The following NR3C2 variants were observed in gnomAD, a reference collection of about 807,000 sequenced individuals.
NR3C2 encodes the protein nuclear receptor subfamily 3 group C member 2, also known as mineralocorticoid receptor.
In NR3C2, 15 loss-of-function variants were observed where a neutral mutation model predicts 86.4. The observed-to-expected ratio is 0.17, with a 90% confidence interval of 0.12 to 0.27. The LOEUF (loss-of-function observed/expected upper bound fraction) is 0.27. NR3C2 is among the 10% of genes least tolerant of loss of function. NR3C2 has a pLI of 1.00. For missense variants in NR3C2, 960 were observed against 1,195.6 expected (o/e 0.80, Z 2.91); for synonymous variants, 458 against 450.5 (o/e 1.02, Z -0.21).
chr4:148,423,568 A>G (rs1352364873), intron 2 of NR3C2, among the ~76,000 whole-genome samples: 2 of 152,224 alleles, frequency 1.3e-5, no homozygotes, highest in Non-Finnish European at 2.9e-5. Context: ...GCGGGGGGAA[A>G]AAAGCTGTAT....
chr4:148,266,403 G>C (rs1046699721), intron 2 of NR3C2, among the ~76,000 whole-genome samples: 2 of 152,186 alleles, frequency 1.3e-5, no homozygotes, highest in African/African-American at 4.8e-5. Context: ...ATACTGAAAT[G>C]ACAGAGTAGC....
chr4:148,101,334 C>A (rs1239258666), intron 8 of NR3C2, among the ~76,000 whole-genome samples: 3 of 152,138 alleles, frequency 2.0e-5, no homozygotes, highest in African/African-American at 7.2e-5. Flanking sequence ...AAAACATTAA[C>A]CTTCTTGAAA....
Position 148,335,265 on chromosome 4 carries a change from T to C in NR3C2, c.1758-75148A>G, listed in dbSNP as rs577873884. 6.5e-4 allele frequency among the ~76,000 whole-genome samples: 99 copies of C among 152,344 alleles called. 4 individuals are homozygous for C. The South Asian group carries it at 0.02, about 30-fold the overall frequency. ...GATTAAAGCTGGTGGATGTTAACAA[T>C]GTACCATTTAATTTTGATCATTGAC... On this transcript the variant is annotated intron_variant, in intron 2 of 8. Transcript: ENST00000358102.
intron 3 of NR3C2, among the ~76,000 whole-genome samples, chr4:148,215,946 T>A (rs1014828066): frequency 6.6e-6 from 1 of 151,150 alleles, no homozygotes; most frequent in African/African-American, 2.4e-5. Context: ...CGCCTAGCTA[T>A]TTTTTTTGTG....
At chr4:148,129,104 G>A (rs925270965) in intron 6 of NR3C2, among the ~76,000 whole-genome samples, 1 of 152,168 alleles carries the variant, frequency 6.6e-6, no homozygotes, top group Admixed American at 6.5e-5. Flanking sequence ...ATTCACAATA[G>A]GCAAAAGATA....
intron 2 of NR3C2, among the ~76,000 whole-genome samples, chr4:148,375,109 C>T (rs962385183): frequency 1.3e-5 from 2 of 152,100 alleles, no homozygotes; most frequent in Admixed American, 1.3e-4. Flanking sequence ...TTACAATATA[C>T]ATTTAATTTC....
At position 148,390,959 on chromosome 4, in the gene NR3C2, A is replaced by T. The variant is rs138844767; in HGVS notation, c.1757+44145T>A. Reference sequence around the variant, plus strand: ...TTACAGCCAGAAACCAATTGTTGCTAAAATGCATTCAGTTAAAATGGAAAG... The same window carrying T: ...TTACAGCCAGAAACCAATTGTTGCTTAAATGCATTCAGTTAAAATGGAAAG... On this transcript the variant is annotated intron_variant, in intron 2 of 8. Transcript: ENST00000358102. Among the ~76,000 whole-genome samples, 11 of 152,370 alleles carry T rather than the reference A, an allele frequency of 7.2e-5. 1 individual carries two copies. The highest frequency in any genetic ancestry group is 2.6e-4 in the African/African-American group (11 of 41,590).
In NR3C2 at chr4:148,436,471, T is replaced by A; in HGVS notation, c.390A>T (p.Pro130=). 1 of 1,614,260 alleles carries A rather than the reference T, an allele frequency of 6.2e-7. No homozygotes were observed. Among genetic ancestry groups the A allele is most frequent in the Non-Finnish European group, 8.5e-7 (1 of 1,180,046 alleles). ...EQQNQQGSMS[P]AKIYQNVEQL... The stretch of plus-strand genomic sequence containing the variant: ...GTTCAACATTCTGATAAATCTTAGC[T>A]GGACTCATGCTTCCTTGTTGGTTCT... Residue 130 remains proline (P), a synonymous_variant, in exon 2 of 9, where the codon CCA becomes CCT. Transcript: ENST00000358102.
chr4:148,326,022 C>A (rs538493147), intron 2 of NR3C2, among the ~76,000 whole-genome samples: 2 of 152,204 alleles, frequency 1.3e-5, no homozygotes, highest in South Asian at 2.1e-4. Context: ...ACTTATTATT[C>A]AATTTTAACA....
rs540742258 is a variant in NR3C2, at chr4:148,211,470, T to C, written c.1898-16608A>G. 5.3e-5 allele frequency among the ~76,000 whole-genome samples: 8 copies of C among 152,334 alleles called. No individual in the cohort carries two copies. In the East Asian group the frequency reaches 1.5e-3, roughly 29 times the overall value. ...CTGCTCACTGCAGTTCTAGATGTTT[T>C]TAAGGAGGCTACTTATGTATTTATT... On this transcript the variant is annotated intron_variant, in intron 3 of 8. Coordinates refer to ENST00000358102, the MANE Select transcript of NR3C2 (RefSeq NM_000901.5).
chr4:148,320,826 C>G (rs1348879406), intron 2 of NR3C2, among the ~76,000 whole-genome samples: 1 of 150,698 alleles, frequency 6.6e-6, no homozygotes, highest in Non-Finnish European at 1.5e-5. Context: ...TTCAAAAAAC[C>G]AGCTCCTGGA....
chr4:148,341,897 T>C (rs1409414748), intron 2 of NR3C2, among the ~76,000 whole-genome samples: 5 of 152,158 alleles, frequency 3.3e-5, no homozygotes, highest in Non-Finnish European at 5.9e-5. Context: ...GCACTTATAA[T>C]TGAGGTATAC....
chr4:148,315,016 T>C (rs547393985), intron 2 of NR3C2, among the ~76,000 whole-genome samples: 8 of 152,306 alleles, frequency 5.3e-5, no homozygotes, highest in African/African-American at 1.7e-4. Context: ...TTCAGGCAAA[T>C]AGAAGTCTCA....
intron 3 of NR3C2, among the ~76,000 whole-genome samples, chr4:148,228,483 T>C (rs1463116477): frequency 6.6e-6 from 1 of 151,752 alleles, no homozygotes; most frequent in Non-Finnish European, 1.5e-5. Flanking sequence ...GCTGCAATGA[T>C]TTTTTTGCCA....
At chr4:148,367,069 C>T (rs1342684937) in intron 2 of NR3C2, among the ~76,000 whole-genome samples, 1 of 152,180 alleles carries the variant, frequency 6.6e-6, no homozygotes, top group Non-Finnish European at 1.5e-5. Context: ...AAACCCAGAA[C>T]TGCATTTTAT....
chr4:148,330,858 T>C (rs1744197225), intron 2 of NR3C2, among the ~76,000 whole-genome samples: 1 of 152,140 alleles, frequency 6.6e-6, no homozygotes, highest in Non-Finnish European at 1.5e-5. Flanking sequence ...TGAGATCTGG[T>C]TGTTTAAAAG....
chr4:148,151,683 C>T (rs979926396), intron 6 of NR3C2, among the ~76,000 whole-genome samples: 2 of 152,170 alleles, frequency 1.3e-5, no homozygotes, highest in Non-Finnish European at 2.9e-5. Context: ...CATCTGCCTC[C>T]TCCCCTACTG....
At chr4:148,280,356 T>C (rs1162697840) in intron 2 of NR3C2, among the ~76,000 whole-genome samples, 2 of 152,180 alleles carry the variant, frequency 1.3e-5, no homozygotes, top group Non-Finnish European at 2.9e-5. Context: ...TTCACCTAGA[T>C]GGGTTAACAT....
At chr4:148,421,335 A>C (rs2048546) in intron 2 of NR3C2, among the ~76,000 whole-genome samples, 116,230 of 152,096 alleles carry the variant, frequency 0.76, 46,861 homozygotes, top group Non-Finnish European at 0.88. Flanking sequence ...GTTATAGGTT[A>C]CAGGGAGTTT....
Sources: allele counts gnomAD v4.1 joint callset (sites outside exome capture counted in the v4.1 genomes callset), GRCh38; gene constraint gnomAD v4.1.1; transcripts MANE v1.5; gene names NCBI Gene and HGNC (gene_info 2026-07-23, HGNC 2026-07-21).